The following PLEKHH2 variants were observed in gnomAD, a reference collection of about 807,000 sequenced individuals.
The protein encoded by PLEKHH2 is pleckstrin homology domain-containing family H member 2.
Under a neutral mutation model 187.9 loss-of-function variants are expected in PLEKHH2, and 129 were observed. The observed-to-expected ratio is 0.69, with a 90% CI of 0.59 to 0.79. The LOEUF is 0.79. Ranked by LOEUF, PLEKHH2 falls within the 30% of genes least tolerant of loss-of-function variation. PLEKHH2 has a pLI of 0.00. For synonymous variants in PLEKHH2, 686 were observed against 605.6 expected, an observed-to-expected ratio of 1.13 and a Z score of -1.95; for missense variants, 2,076 against 1,751.2, an observed-to-expected ratio of 1.19 and a Z score of -3.31.
At position 43,695,043 on chromosome 2, in the gene PLEKHH2, G is replaced by T. The variant is rs980856797; in HGVS notation, c.421-100G>T. The T allele has an allele frequency of 2.1e-5, 12 of 576,548 alleles. No individual in the cohort carries two copies. The African/African-American group carries it at 2.1e-4, about 10-fold the overall frequency. 35.7% of individuals were successfully genotyped at this position (576,548 alleles called of 1,614,324 possible). A position where few individuals can be genotyped will look rare whatever the true frequency, so the allele number is the denominator to read the frequency against. On this transcript the variant is annotated intron_variant, in intron 5 of 29. Coordinates refer to ENST00000282406, the MANE Select transcript of PLEKHH2 (RefSeq NM_172069.4). ...TTTCCTTTGTATTTTGCTTACACATGTAGAGAAACTAAATATTAACATTTT... is the reference window on the plus strand; with the variant it reads ...TTTCCTTTGTATTTTGCTTACACATTTAGAGAAACTAAATATTAACATTTT...
At chr2:43,724,863 A>G (rs1670660758) in intron 16 of PLEKHH2, among the ~76,000 whole-genome samples, 1 of 152,206 alleles carries the variant, frequency 6.6e-6, no homozygotes, top group Non-Finnish European at 1.5e-5. Flanking sequence ...TAACTAAATA[A>G]TGGGTCATTT....
In PLEKHH2 at chr2:43,743,975, C is replaced by T; in HGVS notation, c.3541C>T (p.Gln1181Ter). The T allele has an allele frequency of 6.2e-7, 1 of 1,613,632 alleles. No individual in the cohort carries two copies. Among genetic ancestry groups the T allele is most frequent in the Non-Finnish European group, 8.5e-7 (1 of 1,179,730 alleles). ...PSGRDLEHCL[Q>*]GNIKICDIIS... ...TGGCAGAGATTTAGAGCATTGTCTTCAAGGAAACATCAAGGTGAAACCAAG... is the reference window on the plus strand; with the variant it reads ...TGGCAGAGATTTAGAGCATTGTCTTTAAGGAAACATCAAGGTGAAACCAAG... Residue 1181 changes from glutamine to a stop codon, truncating the protein, a stop_gained, in exon 23 of 30, where the codon CAA becomes TAA. Coordinates refer to ENST00000282406, the MANE Select transcript of PLEKHH2 (RefSeq NM_172069.4). LOFTEE classifies it high-confidence loss of function.
At chr2:43,710,454 T>A (rs1023623162) in intron 13 of PLEKHH2, 35 bp from the exon 14 acceptor site, 2 of 1,586,516 alleles carry the variant, frequency 1.3e-6, no homozygotes, top group Non-Finnish European at 1.7e-6. Flanking sequence ...CTGTTAAAGT[T>A]AATCACTTTC....
intron 25 of PLEKHH2, among the ~76,000 whole-genome samples, chr2:43,755,722 T>C (rs1672188219): frequency 1.3e-5 from 2 of 152,170 alleles, no homozygotes; most frequent in Admixed American, 1.3e-4. Flanking sequence ...TGGTGGCTGA[T>C]TGATGCCGGC....
chr2:43,719,886 TTC>T (rs1670400013), intron 15 of PLEKHH2, among the ~76,000 whole-genome samples: 1 of 152,190 alleles, frequency 6.6e-6, no homozygotes, highest in African/African-American at 2.4e-5. Flanking sequence ...ACAAGTGCAA[TTC>T]TGTTACATGC....
intron 17 of PLEKHH2, among the ~76,000 whole-genome samples, chr2:43,728,443 A>T (rs1344007618): frequency 7.0e-6 from 1 of 141,866 alleles, no homozygotes; most frequent in Non-Finnish European, 1.5e-5. Context: ...GCGCCATTGC[A>T]CTCCAGCCTG....
chr2:43,743,037 T>C, intron 22 of PLEKHH2, 119 bp downstream of exon 22: 2 of 731,966 alleles, frequency 2.7e-6, no homozygotes, highest in South Asian at 4.3e-5. Context: ...CATGCAAATA[T>C]ATTAGATTTA....
At chr2:43,736,380 C>A (rs966728111) in intron 19 of PLEKHH2, among the ~76,000 whole-genome samples, 1 of 152,152 alleles carries the variant, frequency 6.6e-6, no homozygotes, top group Admixed American at 6.6e-5. Context: ...AGGACAGATT[C>A]TTCGGAAAAA....
In PLEKHH2 at chr2:43,767,492, CA is replaced by C. The variant is rs1380343226; in HGVS notation, c.*1897del. Reference sequence around the variant, plus strand: ...GAGCCACAGTCGCCCATCGAATAAGCAAATTTGTTTTTGAGAATAAACTGGT... The same window carrying C: ...GAGCCACAGTCGCCCATCGAATAAGCAATTTGTTTTTGAGAATAAACTGGT... On this transcript the variant is annotated 3_prime_UTR_variant, in exon 30 of 30. Coordinates refer to ENST00000282406, the MANE Select transcript of PLEKHH2 (RefSeq NM_172069.4). 6.6e-6 allele frequency: 1 copy of C among 152,274 alleles called. No homozygotes were observed. Among genetic ancestry groups the C allele is most frequent in the Non-Finnish European group, 1.5e-5 (1 of 68,008 alleles). 9.4% of individuals were successfully genotyped at this position (152,274 alleles called of 1,614,324 possible).
At chr2:43,708,362 C>T (rs1304384889) in intron 11 of PLEKHH2, among the ~76,000 whole-genome samples, 1 of 152,182 alleles carries the variant, frequency 6.6e-6, no homozygotes, top group African/African-American at 2.4e-5. Context: ...CACTGGCCCT[C>T]TTGCTGTTCT....
chr2:43,757,373 A>G, intron 26 of PLEKHH2, 109 bp downstream of exon 26: 2 of 897,390 alleles, frequency 2.2e-6, no homozygotes, highest in Middle Eastern at 4.0e-4. Context: ...CTTTCTCAAG[A>G]TTTTTTTAAC....
At chr2:43,752,972 C>A (rs534270912) in intron 24 of PLEKHH2, among the ~76,000 whole-genome samples, 1 of 152,284 alleles carries the variant, frequency 6.6e-6, no homozygotes, top group African/African-American at 2.4e-5. Context: ...TTCAGATTCC[C>A]AGAGAAAACT....
At chr2:43,734,287 T>C (rs1408480936) in intron 19 of PLEKHH2, among the ~76,000 whole-genome samples, 1 of 152,222 alleles carries the variant, frequency 6.6e-6, no homozygotes, top group Non-Finnish European at 1.5e-5. Context: ...ATATTCTCTT[T>C]GTTAAATAAG....
intron 16 of PLEKHH2, among the ~76,000 whole-genome samples, chr2:43,722,882 A>G (rs991248805): frequency 6.6e-6 from 1 of 152,256 alleles, no homozygotes; most frequent in Non-Finnish European, 1.5e-5. Context: ...GAAATCCATT[A>G]TAACAACTGG....
intron 19 of PLEKHH2, among the ~76,000 whole-genome samples, chr2:43,735,205 AT>A (rs1671229638): frequency 1.3e-5 from 2 of 152,158 alleles, no homozygotes; most frequent in African/African-American, 4.8e-5. Context: ...AAAGAAAAAA[AT>A]GTAGTATATA....
At chr2:43,694,301 G>C in intron 4 of PLEKHH2, 130 bp from the exon 5 acceptor site, 1 of 1,072,966 alleles carries the variant, frequency 9.3e-7, no homozygotes, top group Non-Finnish European at 1.3e-6. Context: ...AAACCTATTT[G>C]GTAATTTGAA....
chr2:43,762,523 G>C (rs553406343), intron 28 of PLEKHH2, 133 bp downstream of exon 28: 1 of 604,002 alleles, frequency 1.7e-6, no homozygotes, highest in African/African-American at 1.8e-5. Flanking sequence ...ACTATGTCAT[G>C]AACAGTCATT....
chr2:43,709,935 G>A, intron 11 of PLEKHH2, 55 bp from the exon 12 acceptor site: 1 of 1,506,822 alleles, frequency 6.6e-7, no homozygotes, highest in Non-Finnish European at 9.0e-7. Flanking sequence ...CAGAGCTGGT[G>A]TTTGGCCCTC....
chr2:43,738,783 A>T (rs1357073266), intron 20 of PLEKHH2, among the ~76,000 whole-genome samples: 1 of 152,178 alleles, frequency 6.6e-6, no homozygotes, highest in African/African-American at 2.4e-5. Context: ...ATAGAAAATA[A>T]TCGTTTCCCC....
Sources: allele counts gnomAD v4.1 joint callset (sites outside exome capture counted in the v4.1 genomes callset), GRCh38; gene constraint gnomAD v4.1.1; transcripts MANE v1.5; gene names NCBI Gene and HGNC (gene_info 2026-07-23, HGNC 2026-07-21).